Variants in ARHGEF12 observed in about 807,000 individuals in gnomAD.
ARHGEF12 encodes KMT2A/ARHGEF12 fusion protein.
ARHGEF12 carries 66 observed loss-of-function variants against 211.2 expected under a neutral mutation model. That is an observed-to-expected ratio of 0.31 (90% CI 0.26 to 0.38). The LOEUF is 0.38. Ranked by LOEUF, ARHGEF12 falls within the 10% of genes least tolerant of loss-of-function variation. The pLI is 1.00. For missense variants in ARHGEF12, 1,429 were observed against 1,869.5 expected (o/e 0.76, Z 4.34); for synonymous variants, 592 against 638.4 (o/e 0.93, Z 1.09).
At position 120,367,529 on chromosome 11, in the gene ARHGEF12, CTAATTTTTG is replaced by C. The variant is rs1943464001; in HGVS notation, c.32+30257_32+30265del. Among the ~76,000 whole-genome samples the C allele has an allele frequency of 2.0e-5, 3 of 151,900 alleles. No individual in the cohort carries two copies. In the South Asian group the frequency reaches 6.2e-4, roughly 32 times the overall value. Reference sequence around the variant, plus strand: ...TACAGGCGCATGCCACCATGTCCGGCTAATTTTTGTATTTTTAGTAGAGATGGGGTTTCA... The same window carrying C: ...TACAGGCGCATGCCACCATGTCCGGCTATTTTTAGTAGAGATGGGGTTTCA... On this transcript the variant is annotated intron_variant, in intron 1 of 40. Transcript: ENST00000397843.
chr11:120,386,530 G>A (rs1944033699), intron 1 of ARHGEF12, among the ~76,000 whole-genome samples: 1 of 152,052 alleles, frequency 6.6e-6, no homozygotes. Flanking sequence ...TGACTCCTCA[G>A]AAGTATTAAC....
At chr11:120,352,236 A>G (rs1215201366) in intron 1 of ARHGEF12, among the ~76,000 whole-genome samples, 1 of 152,140 alleles carries the variant, frequency 6.6e-6, no homozygotes, top group Non-Finnish European at 1.5e-5. Context: ...TAGGTTTGTT[A>G]TTAGTTGCTT....
chr11:120,484,943 A>G (rs910877728), intron 40 of ARHGEF12, 124 bp from the exon 41 acceptor site: 9 of 1,015,894 alleles, frequency 8.9e-6, no homozygotes, highest in Non-Finnish European at 1.3e-5. Flanking sequence ...GTTTATACTC[A>G]TCTGCTTACA....
intron 26 of ARHGEF12, among the ~76,000 whole-genome samples, chr11:120,460,321 C>G (rs966663227): frequency 3.3e-5 from 5 of 152,172 alleles, no homozygotes; most frequent in African/African-American, 7.2e-5. Context: ...ACACTTAACA[C>G]ATTTTGAGAG....
chr11:120,421,601 T>G (rs1945192978), intron 5 of ARHGEF12, among the ~76,000 whole-genome samples: 1 of 151,474 alleles, frequency 6.6e-6, no homozygotes, highest in Admixed American at 6.6e-5. Context: ...CCACACCCAG[T>G]GAATTTTTGT....
intron 4 of ARHGEF12, among the ~76,000 whole-genome samples, chr11:120,412,853 G>A (rs931713447): frequency 3.3e-5 from 5 of 151,818 alleles, no homozygotes; most frequent in East Asian, 3.9e-4. Flanking sequence ...TCCATTTTCC[G>A]TCGTCCCCTG....
chr11:120,392,180 A>C (rs1350051260), intron 1 of ARHGEF12, among the ~76,000 whole-genome samples: 2 of 152,128 alleles, frequency 1.3e-5, no homozygotes, highest in African/African-American at 4.8e-5. Context: ...AAATACATTA[A>C]TCTGCTTATC....
intron 1 of ARHGEF12, among the ~76,000 whole-genome samples, chr11:120,379,320 T>A: frequency 6.6e-6 from 1 of 152,014 alleles, no homozygotes; most frequent in East Asian, 1.9e-4. Flanking sequence ...TTTATATAGA[T>A]CTCTGGAGTT....
Position 120,469,348 on chromosome 11 carries a change from A to G in ARHGEF12, c.2915A>G (p.Asn972Ser), listed in dbSNP as rs1382720290. ...GCAGATCACTGTCGTCAGATCTTAA[A>G]TTATGTAAATCAGGCTGTCAAGGAG... ...KAADHCRQIL[N>S]YVNQAVKEAE... Residue 972 changes from asparagine to serine, a missense_variant, in exon 30 of 41, where the codon AAT becomes AGT. By Grantham distance (46) the Asn-to-Ser change is conservative. This residue lies in a region of ARHGEF12 where 223 missense variants were observed against 444.6 expected (regional missense o/e 0.50). Transcript: ENST00000397843. The G allele has an allele frequency of 1.2e-6, 2 of 1,613,472 alleles. No homozygotes were observed. Among genetic ancestry groups the G allele is most frequent in the African/African-American group, 1.3e-5 (1 of 74,952 alleles).
chr11:120,348,997 A>C (rs1231646697), intron 1 of ARHGEF12, among the ~76,000 whole-genome samples: 1 of 152,308 alleles, frequency 6.6e-6, no homozygotes, highest in Non-Finnish European at 1.5e-5. Flanking sequence ...AAAATGAAAC[A>C]CTTCTGGCCC....
At chr11:120,388,792 A>G (rs1433496538) in intron 1 of ARHGEF12, among the ~76,000 whole-genome samples, 1 of 151,914 alleles carries the variant, frequency 6.6e-6, no homozygotes, top group Non-Finnish European at 1.5e-5. Flanking sequence ...TCTTGTTTTT[A>G]ATTGAGCTTT....
intron 1 of ARHGEF12, among the ~76,000 whole-genome samples, chr11:120,398,348 C>T (rs963080248): frequency 6.6e-6 from 1 of 152,128 alleles, no homozygotes; most frequent in Non-Finnish European, 1.5e-5. Context: ...AACACTCATC[C>T]TCCAACCTTT....
intron 1 of ARHGEF12, among the ~76,000 whole-genome samples, chr11:120,403,877 G>A (rs1423865099): frequency 1.3e-5 from 2 of 152,186 alleles, no homozygotes; most frequent in African/African-American, 2.4e-5. Context: ...TCACCAGAAT[G>A]TATTTCATCA....
At chr11:120,453,073 A>G (rs1359110872) in intron 22 of ARHGEF12, among the ~76,000 whole-genome samples, 2 of 152,144 alleles carry the variant, frequency 1.3e-5, no homozygotes, top group Non-Finnish European at 2.9e-5. Context: ...CAAGAAGGCC[A>G]TTCATCTCAT....
chr11:120,437,258 C>T (rs769412836), intron 11 of ARHGEF12, 50 bp from the exon 12 acceptor site: 2 of 1,341,276 alleles, frequency 1.5e-6, no homozygotes, highest in South Asian at 2.7e-5. Flanking sequence ...CCCTCATCTC[C>T]TTTTGGTGTG....
intron 6 of ARHGEF12, 92 bp downstream of exon 6, chr11:120,421,944 A>C: frequency 1.1e-6 from 1 of 951,322 alleles, no homozygotes; most frequent in Non-Finnish European, 1.6e-6. Flanking sequence ...ATTTTTATAA[A>C]AAGCATCATA....
rs1386819851 is a variant in ARHGEF12, at chr11:120,373,852, G to A, written c.33-32266G>A. On this transcript the variant is annotated intron_variant, in intron 1 of 40. Coordinates refer to ENST00000397843, the MANE Select transcript of ARHGEF12 (RefSeq NM_015313.3). The stretch of plus-strand genomic sequence containing the variant: ...GACGGAGTTTCGCTCTTGTTGCCTG[G>A]GCTGGAGTGCAATGGCGCGATCTCG... Among the ~76,000 whole-genome samples, 3 of 152,110 alleles carry A rather than the reference G, an allele frequency of 2.0e-5. No homozygotes were observed. In the East Asian group the frequency reaches 5.8e-4, roughly 29 times the overall value.
intron 1 of ARHGEF12, among the ~76,000 whole-genome samples, chr11:120,392,220 T>G (rs997430020): frequency 6.6e-6 from 1 of 152,212 alleles, no homozygotes; most frequent in African/African-American, 2.4e-5. Flanking sequence ...GCTGTTTCCT[T>G]TACCTGTAAT....
chr11:120,385,041 A>G (rs951433984), intron 1 of ARHGEF12, among the ~76,000 whole-genome samples: 4 of 152,122 alleles, frequency 2.6e-5, no homozygotes, highest in African/African-American at 7.2e-5. Context: ...TCAAGAAGAA[A>G]ATTAGGGTTT....
Sources: allele counts gnomAD v4.1 joint callset (sites outside exome capture counted in the v4.1 genomes callset), GRCh38; gene constraint gnomAD v4.1.1; regional missense constraint gnomAD v4.1.1; transcripts MANE v1.5; gene names NCBI Gene and HGNC (gene_info 2026-07-23, HGNC 2026-07-21).